HIVEP2: variants seen among roughly 807,000 people sequenced by gnomAD.
HIVEP2 encodes HIVEP zinc finger 2, also known as transcription factor HIVEP2.
In HIVEP2, 14 loss-of-function variants were observed where a neutral mutation model predicts 180.7. That is an observed-to-expected ratio of 0.08 (90% CI 0.05 to 0.12). HIVEP2 has a LOEUF of 0.12. Among genes scored for constraint, HIVEP2 ranks in the 10% least tolerant of loss-of-function variants. The pLI is 1.00. For missense variants in HIVEP2, 2,579 were observed against 3,008.5 expected (o/e 0.86, Z 3.34); for synonymous variants, 1,184 against 1,136.4 (o/e 1.04, Z -0.84).
Position 142,760,028 on chromosome 6 carries a change from T to C in HIVEP2, c.6260A>G (p.His2087Arg), listed in dbSNP as rs1174975557. The C allele has an allele frequency of 1.2e-6, 2 of 1,614,126 alleles. No homozygotes were observed. The highest frequency in any genetic ancestry group is 4.5e-5 in the East Asian group (2 of 44,884). Reference sequence around the variant, plus strand: ...TGCAGCTTCCTTTCTTGGTGAAAGATGTCTCATGGGTGACAGATCTCTCCT... The same window carrying C: ...TGCAGCTTCCTTTCTTGGTGAAAGACGTCTCATGGGTGACAGATCTCTCCT... ...SPRRDLSPMR[H>R]LSPRKEAALR... is the part of the protein sequence containing the mutation. The change falls in exon 9 of 10, where the codon CAT (histidine) becomes CGT (arginine). Residue 2087 changes from histidine to arginine, a missense_variant. Physicochemically the swap from His to Arg is conservative, Grantham distance 29. Transcript: ENST00000367603.
intron 3 of HIVEP2, among the ~76,000 whole-genome samples, chr6:142,780,637 T>C (rs910061074): frequency 2.0e-5 from 3 of 152,208 alleles, no homozygotes; most frequent in South Asian, 2.1e-4. Flanking sequence ...TTTCTACAGC[T>C]GCTTTATCCT....
rs79984099 is a variant in HIVEP2 at position 142,929,473 on chromosome 6, G to C, written c.-641+15626C>G. On this transcript the variant is annotated intron_variant, in intron 1 of 9. Coordinates refer to ENST00000367603, the MANE Select transcript of HIVEP2 (RefSeq NM_006734.4). Reference sequence around the variant, plus strand: ...AAATATAAACCAGAACAAAAAAAAAGGAGTTCTTCAGGTTCCTGGTGCTAT... The same window carrying C: ...AAATATAAACCAGAACAAAAAAAAACGAGTTCTTCAGGTTCCTGGTGCTAT... Among the ~76,000 whole-genome samples the C allele has an allele frequency of 7.8e-4, 119 of 152,086 alleles. No individual in the cohort carries two copies. The East Asian group carries it at 0.022, about 28-fold the overall frequency.
In HIVEP2 at chr6:142,772,375, G is replaced by A. The variant is rs1374944651; in HGVS notation, c.2364C>T (p.Asp788=). Reference sequence around the variant, plus strand: ...TTCCAGGAGGTTTCCTGCCCCCTAGGTCTGACATCTTGTCTGAATCAATGG... The same window carrying A: ...TTCCAGGAGGTTTCCTGCCCCCTAGATCTGACATCTTGTCTGAATCAATGG... ...PSAIDSDKMS[D]LGGRKPPGNV... The change falls in exon 5 of 10, where the codon GAC becomes GAT. Residue 788 remains aspartate (D), a synonymous_variant. Transcript: ENST00000367603. The surrounding 1 kb of genome is among the most constrained non-coding windows in gnomAD (Gnocchi z 4.9). 1.2e-6 allele frequency: 2 copies of A among 1,614,228 alleles called. No homozygotes were observed. The highest frequency in any genetic ancestry group is 1.7e-6 in the Non-Finnish European group (2 of 1,180,036).
At position 142,753,667 on chromosome 6, in the gene HIVEP2, C is replaced by G; in HGVS notation, c.6781G>C (p.Glu2261Gln). The part of the protein sequence containing the change: ...PTLPLPMEGF[E>Q]EKKGASGESF... ...TCCCCTGACGCGCCTTTCTTCTCCT[C>G]AAAGCCCTCCATTGGCAGGGGCAAT... is the stretch of plus-strand genomic sequence containing the variant. Residue 2261 changes from glutamate to glutamine, a missense_variant, in exon 10 of 10, where the codon GAG (glutamate) becomes CAG (glutamine). Coordinates refer to ENST00000367603, the MANE Select transcript of HIVEP2 (RefSeq NM_006734.4). 1.9e-6 allele frequency: 3 copies of G among 1,614,180 alleles called. No individual in the cohort carries two copies. The highest frequency in any genetic ancestry group is 1.7e-6 in the Non-Finnish European group (2 of 1,180,032).
rs113438508 is a variant in HIVEP2, at chr6:142,798,529, C to T, written c.-527-14914G>A. Among the ~76,000 whole-genome samples, 833 of 152,214 alleles carry T rather than the reference C, an allele frequency of 5.5e-3. 4 individuals are homozygous for T. The highest frequency in any genetic ancestry group is 0.019 in the African/African-American group (783 of 41,548). On this transcript the variant is annotated intron_variant, in intron 2 of 9. Coordinates refer to ENST00000367603, the MANE Select transcript of HIVEP2 (RefSeq NM_006734.4). ...GGTGCTTCCCCCTTTCTAGATCCAC[C>T]TGCATGCCCATGAAGATGGCATGAA...
intron 2 of HIVEP2, among the ~76,000 whole-genome samples, chr6:142,812,443 C>A (rs951079778): frequency 6.6e-6 from 1 of 152,118 alleles, no homozygotes; most frequent in African/African-American, 2.4e-5. Context: ...CCTGGTCCTA[C>A]CTAACAAAGC....
At chr6:142,764,287 T>C (rs1373027526) in intron 7 of HIVEP2, among the ~76,000 whole-genome samples, 1 of 152,214 alleles carries the variant, frequency 6.6e-6, no homozygotes, top group Non-Finnish European at 1.5e-5. Flanking sequence ...AGAAATTGTC[T>C]CTGTGCTGAT....
At chr6:142,878,113 C>A (rs1028280222) in intron 1 of HIVEP2, among the ~76,000 whole-genome samples, 2 of 152,092 alleles carry the variant, frequency 1.3e-5, no homozygotes, top group Non-Finnish European at 2.9e-5. Context: ...ATATTCTCGG[C>A]AATTGTCAGG....
chr6:142,784,442 A>G (rs1286122697), intron 2 of HIVEP2, among the ~76,000 whole-genome samples: 1 of 152,206 alleles, frequency 6.6e-6, no homozygotes, highest in Non-Finnish European at 1.5e-5. Context: ...GCTTAAAGGA[A>G]GTAGTTTGCT....
At chr6:142,759,749 A>G (rs1365232968) in intron 9 of HIVEP2, 23 bp downstream of exon 9, 1 of 1,561,670 alleles carries the variant, frequency 6.4e-7, no homozygotes, top group South Asian at 1.2e-5. Flanking sequence ...TATGTATTAG[A>G]AAGAAAAGTG....
chr6:142,777,787 A>C lies in HIVEP2; in HGVS notation c.-432-1596T>G, dbSNP rs992096566. Among the ~76,000 whole-genome samples, 5 of 151,554 alleles carry C rather than the reference A, an allele frequency of 3.3e-5. No individual in the cohort carries two copies. The East Asian group carries it at 9.7e-4, about 29-fold the overall frequency. ...ATTTTTGTTTATTTTTCTTAACATG[A>C]GCATGTTTATCTTTTTAAATAAAAC... is the stretch of plus-strand genomic sequence containing the variant. On this transcript the variant is annotated intron_variant, in intron 3 of 9. Transcript: ENST00000367603.
In HIVEP2 at chr6:142,771,617, G is replaced by T; in HGVS notation, c.3122C>A (p.Ala1041Glu). The T allele has an allele frequency of 6.2e-7, 1 of 1,614,128 alleles. No homozygotes were observed. The change falls in exon 5 of 10, where the codon GCG becomes GAG. Residue 1041 changes from alanine (A) to glutamate (E), a missense_variant. By Grantham distance (107) the Ala-to-Glu change is moderately radical (BLOSUM62 -1). This residue lies in a region of HIVEP2 where 523 missense variants were observed against 577.0 expected (regional missense o/e 0.91). Transcript: ENST00000367603. This position sits in a 1 kb window ranked among gnomAD's most constrained non-coding sequence, Gnocchi z 5.4. The part of the protein sequence containing the change: ...SSEQMPCPHP[A>E]EVPEVRSKSF... ...TTTGCTCCGAACTTCTGGGACTTCC[G>T]CTGGGTGAGGACAAGGCATCTGCTC...
intron 1 of HIVEP2, among the ~76,000 whole-genome samples, chr6:142,896,769 C>T (rs1777006796): frequency 6.6e-6 from 1 of 152,218 alleles, no homozygotes; most frequent in East Asian, 1.9e-4. Context: ...GCTCAAAGCA[C>T]TCTAGCTGCT....
At position 142,773,662 on chromosome 6, in the gene HIVEP2, A is replaced by G; in HGVS notation, c.1077T>C (p.Ala359=). 1 of 1,614,160 alleles carries G rather than the reference A, an allele frequency of 6.2e-7. No homozygotes were observed. The highest frequency in any genetic ancestry group is 8.5e-7 in the Non-Finnish European group (1 of 1,180,024). Residue 359 remains alanine (A), a synonymous_variant, in exon 5 of 10, where the codon GCT becomes GCC. Coordinates refer to ENST00000367603, the MANE Select transcript of HIVEP2 (RefSeq NM_006734.4). ...TCTGTTTGACTGTGTGCGAATCATC[A>G]GCCTTAGTATTTAAAGATGGATTTG... The part of the protein sequence containing the change: ...MLPNPSLNTK[A]DDSHTVKQKL...
At chr6:142,902,180 T>C (rs928837149) in intron 1 of HIVEP2, among the ~76,000 whole-genome samples, 1 of 152,194 alleles carries the variant, frequency 6.6e-6, no homozygotes, top group African/African-American at 2.4e-5. Context: ...GAAAAAGCAG[T>C]AACTTTACAA....
rs768674269 is a variant in HIVEP2, at chr6:142,760,409, T to G, written c.5879A>C (p.Asp1960Ala). ...CAACGAAGAATGTCCCAGGGAACTA[T>G]CTGAAGGAACCCCGTGGGGTACGGC... ...VGAVPHGVPS[D>A]SSLGHSSLIS... The change falls in exon 9 of 10, where the codon GAT (aspartate) becomes GCT (alanine). Residue 1960 changes from aspartate to alanine, a missense_variant. Around this residue, in one of 11 missense-constraint regions of HIVEP2, gnomAD observed 660 missense variants for 731.7 expected, o/e 0.90. Transcript: ENST00000367603. 1 of 1,614,194 alleles carries G rather than the reference T, an allele frequency of 6.2e-7. No homozygotes were observed. The highest frequency in any genetic ancestry group is 1.7e-5 in the Admixed American group (1 of 60,022).
intron 1 of HIVEP2, among the ~76,000 whole-genome samples, chr6:142,925,878 A>C (rs1777795834): frequency 6.6e-6 from 1 of 152,184 alleles, no homozygotes; most frequent in Non-Finnish European, 1.5e-5. Flanking sequence ...GATGTAAGAA[A>C]CCTTAGCAGA....
At chr6:142,843,703 G>A (rs185454840) in intron 1 of HIVEP2, among the ~76,000 whole-genome samples, 554 of 152,240 alleles carry the variant, frequency 3.6e-3, no homozygotes, top group Middle Eastern at 0.014. Flanking sequence ...AAAATTTGTC[G>A]GTTTGGAAAT....
At chr6:142,820,355 G>A (rs1776998406) in intron 2 of HIVEP2, among the ~76,000 whole-genome samples, 1 of 145,490 alleles carries the variant, frequency 6.9e-6, no homozygotes, top group South Asian at 2.2e-4. Context: ...CTCTCTTCCA[G>A]TTTAAAAATA....
Sources: allele counts gnomAD v4.1 joint callset (sites outside exome capture counted in the v4.1 genomes callset), GRCh38; gene constraint gnomAD v4.1.1; regional missense constraint gnomAD v4.1.1; non-coding constraint Gnocchi (gnomAD v3.1); transcripts MANE v1.5; gene names NCBI Gene and HGNC (gene_info 2026-07-23, HGNC 2026-07-21).